TTLL5: variants seen among roughly 807,000 people sequenced by gnomAD.
The protein encoded by TTLL5 is tubulin tyrosine ligase like 5.
A neutral mutation model predicts 168.4 loss-of-function variants in TTLL5; 132 were observed. The ratio of observed to expected loss-of-function variants is 0.78; its 90% CI spans 0.68 to 0.91. The LOEUF (loss-of-function observed/expected upper bound fraction) is 0.91, where lower values mean the gene tolerates loss of function less well. Ranked by LOEUF, TTLL5 falls within the 40% of genes least tolerant of loss-of-function variation. The pLI is 0.00. For synonymous variants in TTLL5, 546 were observed against 558.6 expected, an observed-to-expected ratio of 0.98 and a Z score of 0.32; for missense variants, 1,545 against 1,581.5, an observed-to-expected ratio of 0.98 and a Z score of 0.39.
At position 75,904,135 on chromosome 14, in the gene TTLL5, C is replaced by A. The variant is rs760928817; in HGVS notation, c.3823+1911C>A. Reference sequence around the variant, plus strand: ...TATGATAGGAGTATAAGGATGTGTTCTCCACTGAACATTTTAGAACCTGAA... The same window carrying A: ...TATGATAGGAGTATAAGGATGTGTTATCCACTGAACATTTTAGAACCTGAA... On this transcript the variant is annotated intron_variant, in intron 31 of 31. Coordinates refer to ENST00000298832, the MANE Select transcript of TTLL5 (RefSeq NM_015072.5). 7 of 1,272,562 alleles carry A rather than the reference C, an allele frequency of 5.5e-6. No homozygotes were observed. In the African/African-American group the frequency reaches 7.8e-5, roughly 14 times the overall value. 78.8% of individuals were successfully genotyped at this position (1,272,562 alleles called of 1,614,324 possible). A position where few individuals can be genotyped will look rare whatever the true frequency, so the allele number is the denominator to read the frequency against.
Position 75,752,907 on chromosome 14 carries a change from A to G in TTLL5, c.1502A>G (p.His501Arg), listed in dbSNP as rs751690180. The G allele has an allele frequency of 6.2e-7, 1 of 1,613,676 alleles. No individual in the cohort carries two copies. Among genetic ancestry groups the G allele is most frequent in the East Asian group, 2.2e-5 (1 of 44,836 alleles). Residue 501 changes from histidine to arginine, a missense_variant, in exon 18 of 32, where the codon CAT (histidine) becomes CGT (arginine). By Grantham distance (29) the His-to-Arg change is conservative. Transcript: ENST00000298832. ...TWEIYGSYLE[H>R]KTSMNYMLAT... ...TTGCTTTTCAGGTCCTACCTCGAGC[A>G]TAAGACCTCAATGAACTATATGCTG...
chr14:75,792,335 C>A (rs1434458931), intron 26 of TTLL5, among the ~76,000 whole-genome samples: 1 of 151,160 alleles, frequency 6.6e-6, no homozygotes, highest in Non-Finnish European at 1.5e-5. Context: ...AACAAACCTG[C>A]ACGTTGTGCA....
chr14:75,780,430 A>G (rs1891979192), intron 24 of TTLL5, among the ~76,000 whole-genome samples: 1 of 152,204 alleles, frequency 6.6e-6, no homozygotes, highest in African/African-American at 2.4e-5. Flanking sequence ...TTGGAATTGA[A>G]TATGGATGTG....
At chr14:75,722,530 C>A (rs181931965) in intron 12 of TTLL5, among the ~76,000 whole-genome samples, 1 of 152,314 alleles carries the variant, frequency 6.6e-6, no homozygotes, top group East Asian at 1.9e-4. Context: ...ATACACTCAG[C>A]CGTGTCTGAG....
intron 19 of TTLL5, among the ~76,000 whole-genome samples, chr14:75,765,218 T>A (rs949341178): frequency 1.3e-5 from 2 of 152,244 alleles, no homozygotes; most frequent in African/African-American, 2.4e-5. Context: ...TTGACTGATA[T>A]ACTGATTTCC....
At position 75,766,244 on chromosome 14, in the gene TTLL5, A is replaced by C; in HGVS notation, c.1891A>C (p.Lys631Gln). The change falls in exon 20 of 32, where the codon AAA (lysine) becomes CAA (glutamine). Residue 631 changes from lysine to glutamine, a missense_variant. Transcript: ENST00000298832. ...GACAGCTTTGGTAGAAAATACACCC[A>C]AAGAAAATTCCATGAAAGTTCGTGA... Reference protein sequence around the residue: ...SLTALVENTPKENSMKVREWN... With the variant: ...SLTALVENTPQENSMKVREWN... The C allele has an allele frequency of 1.2e-6, 2 of 1,614,094 alleles. No individual in the cohort carries two copies. The highest frequency in any genetic ancestry group is 1.7e-6 in the Non-Finnish European group (2 of 1,179,980).
intron 17 of TTLL5, among the ~76,000 whole-genome samples, chr14:75,750,973 C>T (rs1431103573): frequency 2.0e-5 from 3 of 152,078 alleles, no homozygotes; most frequent in South Asian, 2.1e-4. Context: ...GGCATTGTGA[C>T]GTGGTGTTAG....
At position 75,683,664 on chromosome 14, in the gene TTLL5, T is replaced by C. The variant is rs1884798427; in HGVS notation, c.371+8T>C. On this transcript the variant is annotated splice_region_variant and intron_variant, in intron 5 of 31. Coordinates refer to ENST00000298832, the MANE Select transcript of TTLL5 (RefSeq NM_015072.5). ...AGTTAATCACTTTCCCAGGTAATGC[T>C]CTTTGTAGCTGCTTTGCTTCATTTA... The C allele has an allele frequency of 6.2e-7, 1 of 1,606,040 alleles. No individual in the cohort carries two copies. The highest frequency in any genetic ancestry group is 8.5e-7 in the Non-Finnish European group (1 of 1,172,830).
In TTLL5 at chr14:75,783,145, A is replaced by G; in HGVS notation, c.2603-2A>G. The G allele has an allele frequency of 5.0e-6, 8 of 1,597,432 alleles. No individual in the cohort carries two copies. Among genetic ancestry groups the G allele is most frequent in the Non-Finnish European group, 6.8e-6 (8 of 1,174,432 alleles). On this transcript the variant is annotated splice_acceptor_variant, in intron 25 of 31. Transcript: ENST00000298832. LOFTEE classifies it high-confidence loss of function. ...TGTCTTGTTTTGTTTTGTTTTTAAT[A>G]GGATTTACCACTTCAGCAGAAAAAG...
intron 18 of TTLL5, among the ~76,000 whole-genome samples, chr14:75,760,077 C>T (rs1020272857): frequency 2.6e-5 from 4 of 152,000 alleles, no homozygotes; most frequent in African/African-American, 9.7e-5. Flanking sequence ...TTTTGGATGA[C>T]ACGATCAGGT....
chr14:75,835,077 A>AAACG (rs1895798365), intron 28 of TTLL5, among the ~76,000 whole-genome samples: 1 of 152,130 alleles, frequency 6.6e-6, no homozygotes, highest in East Asian at 1.9e-4. Context: ...CCAAACAAAC[A>AAACG]AACAAACAAA....
At chr14:75,893,433 A>G (rs61608875) in intron 30 of TTLL5, among the ~76,000 whole-genome samples, 7,562 of 152,328 alleles carry the variant, frequency 0.05, 467 homozygotes, top group East Asian at 0.33. Flanking sequence ...CTCCTCAGCA[A>G]TAATGAGTGC....
chr14:75,943,681 A>G (rs955269394), intron 31 of TTLL5, among the ~76,000 whole-genome samples: 1 of 152,248 alleles, frequency 6.6e-6, no homozygotes, highest in South Asian at 2.1e-4. Context: ...GTTTAAAATC[A>G]CAAAACAAAT....
intron 31 of TTLL5, among the ~76,000 whole-genome samples, chr14:75,950,247 G>A (rs1043387223): frequency 1.3e-5 from 2 of 152,150 alleles, no homozygotes; most frequent in African/African-American, 2.4e-5. Context: ...TCTGTGCTTC[G>A]AACTGTACAC....
At chr14:75,899,556 G>A (rs973265533) in intron 30 of TTLL5, among the ~76,000 whole-genome samples, 1 of 152,154 alleles carries the variant, frequency 6.6e-6, no homozygotes, top group Non-Finnish European at 1.5e-5. Flanking sequence ...GGATTGCTGT[G>A]GACACATTTC....
At chr14:75,665,200 A>T (rs1379172909) in intron 2 of TTLL5, among the ~76,000 whole-genome samples, 1 of 152,260 alleles carries the variant, frequency 6.6e-6, no homozygotes, top group Non-Finnish European at 1.5e-5. Flanking sequence ...CATTTGTAAC[A>T]TAGTAATATG....
chr14:75,785,470 C>T (rs1002818035), intron 26 of TTLL5, among the ~76,000 whole-genome samples: 18 of 152,142 alleles, frequency 1.2e-4, no homozygotes, highest in Admixed American at 3.3e-4. Context: ...TGAGCCACTG[C>T]GCCCGGCCCC....
intron 28 of TTLL5, among the ~76,000 whole-genome samples, chr14:75,837,860 AGT>A (rs886416661): frequency 2.8e-4 from 43 of 151,748 alleles, no homozygotes; most frequent in Admixed American, 7.2e-4. Context: ...TGTGTATGGG[AGT>A]GTGTGTGTGT....
intron 3 of TTLL5, among the ~76,000 whole-genome samples, chr14:75,670,544 T>C (rs1220122730): frequency 6.6e-6 from 1 of 152,232 alleles, no homozygotes; most frequent in Non-Finnish European, 1.5e-5. Flanking sequence ...CAACAACGTA[T>C]AGGGGTTCCA....
Sources: allele counts gnomAD v4.1 joint callset (sites outside exome capture counted in the v4.1 genomes callset), GRCh38; gene constraint gnomAD v4.1.1; transcripts MANE v1.5; gene names NCBI Gene and HGNC (gene_info 2026-07-23, HGNC 2026-07-21).